LRBA: variants seen among roughly 807,000 people sequenced by gnomAD.
LRBA encodes the protein LPS responsive beige-like anchor protein.
Under a neutral mutation model 330.0 loss-of-function variants are expected in LRBA, and 176 were observed. The observed-to-expected ratio is 0.53, with a 90% confidence interval of 0.47 to 0.60. The LOEUF is 0.60. Ranked by LOEUF, LRBA falls within the 20% of genes least tolerant of loss-of-function variation. The probability of loss-of-function intolerance (pLI) is 0.00; values close to 1 mark genes in which losing one functional copy is unlikely to be tolerated. For missense variants in LRBA, 3,259 were observed against 3,444.8 expected (o/e 0.95, Z 1.35); for synonymous variants, 1,230 against 1,193.0 (o/e 1.03, Z -0.64).
At chr4:150,746,045 C>T (rs1219084864) in intron 35 of LRBA, among the ~76,000 whole-genome samples, 2 of 152,172 alleles carry the variant, frequency 1.3e-5, no homozygotes, top group Non-Finnish European at 2.9e-5. Context: ...TTTCAGAATA[C>T]ATCACCACCA....
intron 46 of LRBA, among the ~76,000 whole-genome samples, chr4:150,424,802 G>GT (rs1325654065): frequency 2.0e-5 from 3 of 152,140 alleles, no homozygotes; most frequent in African/African-American, 4.8e-5. Flanking sequence ...ATGAATTGAT[G>GT]TTTTTTTTCT....
At chr4:150,934,023 CAA>C (rs1020009328) in intron 2 of LRBA, among the ~76,000 whole-genome samples, 6 of 115,634 alleles carry the variant, frequency 5.2e-5, no homozygotes, top group Admixed American at 9.0e-5. Context: ...GACCCTGTCT[CAA>C]AAAAAAAAAA....
At chr4:150,380,003 TAAAAAAAAAAAA>T (rs371691815) in intron 47 of LRBA, among the ~76,000 whole-genome samples, 7 of 115,238 alleles carry the variant, frequency 6.1e-5, no homozygotes, top group African/African-American at 2.4e-4. Flanking sequence ...TTTCTACTAC[TAAAAAAAAAAAA>T]AAAAAAAAAA....
chr4:150,588,144 G>A lies in LRBA; in HGVS notation c.6234C>T (p.Pro2078=), dbSNP rs754712012. The stretch of plus-strand genomic sequence containing the variant: ...AAAGAGTGCCCTTTACTACAACAGA[G>A]GGGGCCACAAGCTGAGCTGGTGTGC... ...SLSTPAQLVA[P]SVVVKGTLSV... The change falls in exon 40 of 57, where the codon CCC becomes CCT. Residue 2078 remains proline, a synonymous_variant. Transcript: ENST00000651943. 3 of 1,611,242 alleles carry A rather than the reference G, an allele frequency of 1.9e-6. No individual in the cohort carries two copies. The highest frequency in any genetic ancestry group is 2.2e-5 in the South Asian group (2 of 90,246).
chr4:150,342,184 T>C (rs1398395515), intron 48 of LRBA, among the ~76,000 whole-genome samples: 2 of 152,006 alleles, frequency 1.3e-5, no homozygotes, highest in Non-Finnish European at 2.9e-5. Flanking sequence ...AAAAATGGGG[T>C]TAGAAAGGCT....
chr4:150,799,935 G>A (rs1422198442), intron 33 of LRBA, among the ~76,000 whole-genome samples: 1 of 152,134 alleles, frequency 6.6e-6, no homozygotes, highest in Non-Finnish European at 1.5e-5. Flanking sequence ...AGTAGAGACG[G>A]AGTTTCACCA....
At chr4:150,833,215 CTA>C (rs1298094198) in intron 28 of LRBA, among the ~76,000 whole-genome samples, 1 of 152,028 alleles carries the variant, frequency 6.6e-6, no homozygotes, top group Admixed American at 6.6e-5. Context: ...TACAGGTCAC[CTA>C]TATATCACTG....
chr4:150,970,308 T>C (rs75075541), intron 2 of LRBA, among the ~76,000 whole-genome samples: 1 of 152,000 alleles, frequency 6.6e-6, no homozygotes, highest in African/African-American at 2.4e-5. Context: ...AAGACCAGCC[T>C]GGGCAACTTA....
intron 17 of LRBA, among the ~76,000 whole-genome samples, chr4:150,874,422 G>T (rs1019769619): frequency 2.0e-5 from 3 of 152,216 alleles, no homozygotes; most frequent in Non-Finnish European, 4.4e-5. Flanking sequence ...TGGCTGTGCA[G>T]GCATGCCAGA....
intron 36 of LRBA, among the ~76,000 whole-genome samples, chr4:150,697,052 C>T (rs1206188966): frequency 6.7e-6 from 1 of 149,940 alleles, no homozygotes; most frequent in Non-Finnish European, 1.5e-5. Context: ...AAAGGCCGGG[C>T]GCAGTGGCTC....
At position 150,521,748 on chromosome 4, in the gene LRBA, C is replaced by A. The variant is rs368753841; in HGVS notation, c.6331-30713G>T. On this transcript the variant is annotated intron_variant, in intron 40 of 56. Coordinates refer to ENST00000651943, the MANE Select transcript of LRBA (RefSeq NM_001364905.1). ...TAAATTCTATTAAATTAGTGCACTCCTTTTATAACCAAACAAATGGTCTTC... is the reference window on the plus strand; with the variant it reads ...TAAATTCTATTAAATTAGTGCACTCATTTTATAACCAAACAAATGGTCTTC... 3.8e-4 allele frequency among the ~76,000 whole-genome samples: 58 copies of A among 152,212 alleles called. 1 individual carries two copies. The South Asian group carries it at 0.012, about 31-fold the overall frequency.
At chr4:150,617,496 G>C (rs1346568818) in intron 37 of LRBA, among the ~76,000 whole-genome samples, 1 of 152,086 alleles carries the variant, frequency 6.6e-6, no homozygotes, top group Non-Finnish European at 1.5e-5. Context: ...TCAAAAATTA[G>C]CTGGGCATGG....
chr4:150,690,443 C>T (rs541032980), intron 36 of LRBA, among the ~76,000 whole-genome samples: 12 of 149,444 alleles, frequency 8.0e-5, no homozygotes, highest in Non-Finnish European at 1.0e-4. Flanking sequence ...TTGGAGGTTG[C>T]AGTGAGCCGA....
chr4:150,384,333 C>T (rs527775852), intron 47 of LRBA, among the ~76,000 whole-genome samples: 7 of 152,158 alleles, frequency 4.6e-5, no homozygotes, highest in Non-Finnish European at 7.4e-5. Context: ...TCACTGAGCC[C>T]GGCCCAGTGT....
At chr4:150,963,592 C>T (rs1329209242) in intron 2 of LRBA, among the ~76,000 whole-genome samples, 2 of 149,704 alleles carry the variant, frequency 1.3e-5, no homozygotes, top group Non-Finnish European at 1.5e-5. Flanking sequence ...ATTGCAGCCT[C>T]TGCCCGGCTG....
At chr4:150,673,113 G>C in intron 37 of LRBA, among the ~76,000 whole-genome samples, 1 of 152,126 alleles carries the variant, frequency 6.6e-6, no homozygotes, top group Non-Finnish European at 1.5e-5. Context: ...ACAATAACTT[G>C]CTCATCCATA....
In LRBA at chr4:150,489,687, AATATATT is replaced by A. The variant is rs1287228169; in HGVS notation, c.6448+1224_6448+1230del. Among the ~76,000 whole-genome samples, 474 of 129,242 alleles carry A rather than the reference AATATATT, an allele frequency of 3.7e-3. 4 individuals carry two copies. The highest frequency in any genetic ancestry group is 0.016 in the Middle Eastern group (4 of 254). The allele number at this position is 129,242 out of a possible 152,430, so 84.8% of individuals were successfully genotyped here. On this transcript the variant is annotated intron_variant, in intron 41 of 56. Coordinates refer to ENST00000651943, the MANE Select transcript of LRBA (RefSeq NM_001364905.1). ...TATAAGAATATATATTATATATAAG[AATATATT>A]ATATATTATATATTATATATAAGAA...
chr4:150,664,432 AAGCATAAT>A (rs1781391949), intron 37 of LRBA, among the ~76,000 whole-genome samples: 1 of 152,198 alleles, frequency 6.6e-6, no homozygotes, highest in African/African-American at 2.4e-5. Context: ...GTGTATCATA[AAGCATAAT>A]AGCCTGTCAC....
intron 52 of LRBA, among the ~76,000 whole-genome samples, chr4:150,309,932 T>G (rs1730840690): frequency 6.6e-6 from 1 of 152,192 alleles, no homozygotes; most frequent in African/African-American, 2.4e-5. Flanking sequence ...CATATACTCA[T>G]GCATGGTATT....
Sources: gnomAD v4.1 joint callset for allele counts (sites outside exome capture counted in the v4.1 genomes callset) on GRCh38, gnomAD v4.1.1 for gene constraint, MANE v1.5 for transcripts, NCBI Gene and HGNC (gene_info 2026-07-23, HGNC 2026-07-21) for gene names.